DYRK1A: variants seen among roughly 807,000 people sequenced by gnomAD.
The protein encoded by DYRK1A is dual specificity tyrosine-phosphorylation-regulated kinase 1A.
In DYRK1A, 9 loss-of-function variants were observed where a neutral mutation model predicts 79.7. The observed-to-expected ratio is 0.11, with a 90% CI of 0.07 to 0.20. The LOEUF (loss-of-function observed/expected upper bound fraction) is 0.20, where lower values mean the gene tolerates loss of function less well. Among genes scored for constraint, DYRK1A ranks in the 10% least tolerant of loss-of-function variants. The probability of loss-of-function intolerance (pLI) is 1.00; values close to 1 mark genes in which losing one functional copy is unlikely to be tolerated. For missense variants in DYRK1A, 622 were observed against 956.0 expected (o/e 0.65, Z 4.61); for synonymous variants, 349 against 329.7 (o/e 1.06, Z -0.63).
chr21:37,413,413 A>G (rs1316860139), intron 1 of DYRK1A, among the ~76,000 whole-genome samples: 1 of 152,120 alleles, frequency 6.6e-6, no homozygotes, highest in Non-Finnish European at 1.5e-5. Context: ...TTATATATAA[A>G]TTATATATGT....
chr21:37,388,460 G>A (rs1405871608), intron 1 of DYRK1A, among the ~76,000 whole-genome samples: 2 of 152,098 alleles, frequency 1.3e-5, no homozygotes, highest in Non-Finnish European at 1.5e-5. Flanking sequence ...ATCTGTAAAA[G>A]ATAAGGATGC....
In DYRK1A at chr21:37,516,359, G is replaced by GA. The variant is rs1433617086; in HGVS notation, c.*3832dup. 6.6e-6 allele frequency: 1 copy of GA among 152,212 alleles called. No homozygotes were observed. Among genetic ancestry groups the GA allele is most frequent in the East Asian group, 1.9e-4 (1 of 5,196 alleles). 9.4% of individuals were successfully genotyped at this position (152,212 alleles called of 1,614,324 possible). ...AGGGATGTCTGTTGACCAGACGTTG[G>GA]AAAACCTTTGGTGTCAGGGAGAGTA... On this transcript the variant is annotated 3_prime_UTR_variant, in exon 12 of 12. Coordinates refer to ENST00000647188, the MANE Select transcript of DYRK1A (RefSeq NM_001347721.2).
intron 1 of DYRK1A, among the ~76,000 whole-genome samples, chr21:37,386,155 C>G (rs2049755512): frequency 6.6e-6 from 1 of 152,130 alleles, no homozygotes; most frequent in South Asian, 2.1e-4. Context: ...TTAGTTTCCA[C>G]TCTTAGATTT....
chr21:37,476,937 A>G (rs1233469847), intron 3 of DYRK1A, among the ~76,000 whole-genome samples: 1 of 151,518 alleles, frequency 6.6e-6, no homozygotes, highest in Non-Finnish European at 1.5e-5. Context: ...GTTTGAGTAT[A>G]CATGCAGAAG....
At chr21:37,391,249 T>C (rs1350246932) in intron 1 of DYRK1A, among the ~76,000 whole-genome samples, 1 of 152,164 alleles carries the variant, frequency 6.6e-6, no homozygotes, top group African/African-American at 2.4e-5. Flanking sequence ...AGAGAATATG[T>C]GCATGTCCTG....
chr21:37,414,253 T>TC (rs2050295674), intron 1 of DYRK1A, among the ~76,000 whole-genome samples: 2 of 151,686 alleles, frequency 1.3e-5, no homozygotes, highest in Admixed American at 1.3e-4. Flanking sequence ...CTGTTTTTCC[T>TC]CCCTTTTTGA....
intron 1 of DYRK1A, 51 bp downstream of exon 1, chr21:37,367,679 C>A (rs868213959): frequency 6.9e-6 from 1 of 145,576 alleles, no homozygotes; most frequent in Non-Finnish European, 1.5e-5. Flanking sequence ...CTCGGCTCCC[C>A]CGGCGGCCCG....
At chr21:37,417,478 T>C (rs2050366087) in intron 1 of DYRK1A, among the ~76,000 whole-genome samples, 1 of 151,360 alleles carries the variant, frequency 6.6e-6, no homozygotes, top group Non-Finnish European at 1.5e-5. Flanking sequence ...ACAGAGCCAC[T>C]GCTCCCGGCC....
intron 2 of DYRK1A, among the ~76,000 whole-genome samples, chr21:37,426,253 A>T (rs2050615021): frequency 6.6e-6 from 1 of 152,190 alleles, no homozygotes; most frequent in South Asian, 2.1e-4. Flanking sequence ...GAAGTCAGAA[A>T]AGCTACTCCA....
chr21:37,387,915 G>A (rs2049791797), intron 1 of DYRK1A, among the ~76,000 whole-genome samples: 1 of 151,952 alleles, frequency 6.6e-6, no homozygotes, highest in Non-Finnish European at 1.5e-5. Flanking sequence ...TTTGGATTTC[G>A]TTAAAAAGAA....
At position 37,522,063 on chromosome 21, in the gene DYRK1A, C is replaced by G. The variant is rs1451774768; in HGVS notation, c.*9532C>G. The G allele has an allele frequency of 1.3e-5, 2 of 152,092 alleles. No individual in the cohort carries two copies. The highest frequency in any genetic ancestry group is 4.8e-5 in the African/African-American group (2 of 41,416). The allele number at this position is 152,092 out of a possible 1,614,324, so 9.4% of individuals were successfully genotyped here. On this transcript the variant is annotated 3_prime_UTR_variant, in exon 12 of 12. Transcript: ENST00000647188. Reference sequence around the variant, plus strand: ...GGAGTTGGGAGGACAGCCTAGGATACGTAAATAAGAGAATCTTGTATGTTC... The same window carrying G: ...GGAGTTGGGAGGACAGCCTAGGATAGGTAAATAAGAGAATCTTGTATGTTC...
At chr21:37,487,880 G>C (rs56727191) in intron 6 of DYRK1A, 1 of 152,066 alleles carries the variant, frequency 6.6e-6, no homozygotes, top group African/African-American at 2.4e-5. Context: ...GCTGTTCACT[G>C]TCAGTTATAA....
chr21:37,434,505 G>C (rs1356966667), intron 2 of DYRK1A, among the ~76,000 whole-genome samples: 1 of 152,080 alleles, frequency 6.6e-6, no homozygotes. Context: ...AACTATCTTT[G>C]TAGCTGTTAG....
chr21:37,487,936 T>A (rs1287284142), intron 6 of DYRK1A: 2 of 152,094 alleles, frequency 1.3e-5, no homozygotes, highest in African/African-American at 2.4e-5. Context: ...TAGAAGCACA[T>A]CAAGGACATT....
chr21:37,499,989 G>A (rs941434297), intron 9 of DYRK1A, among the ~76,000 whole-genome samples: 1 of 152,168 alleles, frequency 6.6e-6, no homozygotes, highest in Non-Finnish European at 1.5e-5. Flanking sequence ...TGTGGGTTCC[G>A]CATGGCCTCC....
chr21:37,488,706 A>G (rs2052964392), intron 6 of DYRK1A: 1 of 985,282 alleles, frequency 1.0e-6, no homozygotes, highest in Non-Finnish European at 1.2e-6. Context: ...AAGTGAAACT[A>G]AGTAGATCTT....
At chr21:37,377,793 A>G (rs1306456045) in intron 1 of DYRK1A, among the ~76,000 whole-genome samples, 2 of 152,128 alleles carry the variant, frequency 1.3e-5, no homozygotes, top group African/African-American at 2.4e-5. Flanking sequence ...ATTCTGTTCT[A>G]TGGTTGTACC....
intron 4 of DYRK1A, among the ~76,000 whole-genome samples, chr21:37,479,759 C>T (rs902082352): frequency 2.0e-5 from 3 of 151,678 alleles, no homozygotes; most frequent in African/African-American, 7.3e-5. Context: ...TCCTGAGTAG[C>T]TGGGACTACA....
At chr21:37,454,746 C>G (rs1011434541) in intron 2 of DYRK1A, among the ~76,000 whole-genome samples, 1 of 152,032 alleles carries the variant, frequency 6.6e-6, no homozygotes, top group African/African-American at 2.4e-5. Flanking sequence ...AGTGTTGTAT[C>G]TAAAACAACT....
Sources: allele counts gnomAD v4.1 joint callset (sites outside exome capture counted in the v4.1 genomes callset), GRCh38; gene constraint gnomAD v4.1.1; transcripts MANE v1.5; gene names NCBI Gene and HGNC (gene_info 2026-07-23, HGNC 2026-07-21).